Variants in COL13A1 observed in about 807,000 individuals in gnomAD.
COL13A1 encodes collagen type XIII alpha 1 chain.
Under a neutral mutation model 130.9 loss-of-function variants are expected in COL13A1, and 89 were observed. The ratio of observed to expected loss-of-function variants is 0.68; its 90% CI spans 0.57 to 0.81. The LOEUF (loss-of-function observed/expected upper bound fraction) is 0.81. COL13A1 is among the 30% of genes least tolerant of loss of function. The probability of loss-of-function intolerance (pLI) is 0.00; values close to 1 mark genes in which losing one functional copy is unlikely to be tolerated. For synonymous variants in COL13A1, 402 were observed against 341.6 expected (o/e 1.18, Z -1.95); for missense variants, 879 against 934.6 (o/e 0.94, Z 0.78).
In COL13A1 at chr10:69,802,343, G is replaced by T; in HGVS notation, c.-81G>T. On this transcript the variant is annotated 5_prime_UTR_variant, in exon 1 of 41. Coordinates refer to ENST00000645393, the MANE Select transcript of COL13A1 (RefSeq NM_001368882.1). The stretch of plus-strand genomic sequence containing the variant: ...ACAAGCCCTTTCCCCCTGCCCCGCA[G>T]TTTGGATAGAGCCTTTTGGCAGCGG... 7.4e-7 allele frequency: 1 copy of T among 1,357,674 alleles called. No individual in the cohort carries two copies. The allele number at this position is 1,357,674 out of a possible 1,614,324, so 84.1% of individuals were successfully genotyped here. A position where few individuals can be genotyped will look rare whatever the true frequency, so the allele number is the denominator to read the frequency against.
intron 7 of COL13A1, among the ~76,000 whole-genome samples, chr10:69,883,403 G>A (rs1196579736): frequency 6.6e-6 from 1 of 152,196 alleles, no homozygotes; most frequent in Non-Finnish European, 1.5e-5. Flanking sequence ...TCCACTAGGA[G>A]CCACCCCACA....
At chr10:69,825,305 G>A (rs1847208444) in intron 2 of COL13A1, among the ~76,000 whole-genome samples, 1 of 152,206 alleles carries the variant, frequency 6.6e-6, no homozygotes. Flanking sequence ...TCTCCTGAGG[G>A]TCGGAGTTTA....
chr10:69,862,333 G>T (rs1419545617), intron 2 of COL13A1, among the ~76,000 whole-genome samples: 1 of 152,184 alleles, frequency 6.6e-6, no homozygotes, highest in African/African-American at 2.4e-5. Context: ...ATATAAGGAA[G>T]TGCTTTATCA....
intron 18 of COL13A1, 22 bp downstream of exon 18, chr10:69,917,355 C>A: frequency 6.2e-7 from 1 of 1,606,224 alleles, no homozygotes; most frequent in South Asian, 1.1e-5. Flanking sequence ...TTCCCCACAT[C>A]CCAGGCAGCC....
rs115398986 is a variant in COL13A1, at chr10:69,859,054, C to A, written c.365-8744C>A. The stretch of plus-strand genomic sequence containing the variant: ...TCAGTTGTACGACTATGGGCCAGAA[C>A]TTTGACCTCTCTGTGGCTCAGTTTC... On this transcript the variant is annotated intron_variant, in intron 2 of 40. Coordinates refer to ENST00000645393, the MANE Select transcript of COL13A1 (RefSeq NM_001368882.1). Among the ~76,000 whole-genome samples the A allele has an allele frequency of 3.7e-3, 570 of 152,240 alleles. 1 individual carries two copies. The highest frequency in any genetic ancestry group is 0.013 in the African/African-American group (549 of 41,540).
chr10:69,899,562 A>C (rs1408152061), intron 14 of COL13A1, among the ~76,000 whole-genome samples: 19 of 152,140 alleles, frequency 1.2e-4, no homozygotes, highest in African/African-American at 4.3e-4. Context: ...TTAGCATCTG[A>C]TCCCTCGTAA....
intron 28 of COL13A1, among the ~76,000 whole-genome samples, chr10:69,929,544 G>A (rs985230913): frequency 1.3e-5 from 2 of 152,118 alleles, no homozygotes; most frequent in Non-Finnish European, 2.9e-5. Flanking sequence ...AGAATTCCCT[G>A]CCCTTTCCTC....
intron 7 of COL13A1, among the ~76,000 whole-genome samples, chr10:69,886,622 T>C (rs35319109): frequency 0.11 from 16,745 of 152,178 alleles, 957 homozygotes; most frequent in Middle Eastern, 0.25. Context: ...GAAAGGAGCC[T>C]TTGCTGGTTC....
chr10:69,938,678 G>A (rs547247863), intron 34 of COL13A1, among the ~76,000 whole-genome samples: 3 of 152,284 alleles, frequency 2.0e-5, no homozygotes, highest in African/African-American at 7.2e-5. Flanking sequence ...AGTTACCCCC[G>A]CTTGGCAGAG....
chr10:69,911,079 G>A (rs1204690469), intron 17 of COL13A1, among the ~76,000 whole-genome samples: 3 of 152,208 alleles, frequency 2.0e-5, no homozygotes, highest in Admixed American at 6.5e-5. Context: ...AATGCCCTGG[G>A]GAGGAGAGTG....
At chr10:69,827,127 T>C (rs1350060156) in intron 2 of COL13A1, among the ~76,000 whole-genome samples, 2 of 152,222 alleles carry the variant, frequency 1.3e-5, no homozygotes, top group Non-Finnish European at 2.9e-5. Flanking sequence ...CCAGGCTGGC[T>C]GAGGGACTGT....
At position 69,874,989 on chromosome 10, in the gene COL13A1, G is replaced by A. The variant is rs2059433355; in HGVS notation, c.400-139G>A. 7 of 906,226 alleles carry A rather than the reference G, an allele frequency of 7.7e-6. No individual in the cohort carries two copies. The African/African-American group carries it at 8.2e-5, about 11-fold the overall frequency. The allele number at this position is 906,226 out of a possible 1,614,324, so 56.1% of individuals were successfully genotyped here. A position where few individuals can be genotyped will look rare whatever the true frequency, so the allele number is the denominator to read the frequency against. On this transcript the variant is annotated intron_variant, in intron 4 of 40. Transcript: ENST00000645393. ...AGGGAGTGTACCTACATGATGCTTG[G>A]GCATCATACGGGATGTCGTCCCCGC...
chr10:69,950,832 A>G (rs966571403), intron 38 of COL13A1, among the ~76,000 whole-genome samples: 1 of 152,192 alleles, frequency 6.6e-6, no homozygotes. Flanking sequence ...CTGGAAGAAC[A>G]TCAAAAATAT....
At chr10:69,926,456 C>T (rs1433348393) in intron 26 of COL13A1, among the ~76,000 whole-genome samples, 1 of 152,124 alleles carries the variant, frequency 6.6e-6, no homozygotes, top group Non-Finnish European at 1.5e-5. Flanking sequence ...CAGTAGCACC[C>T]GAGCCTCAGC....
chr10:69,873,643 T>C (rs576412229), intron 4 of COL13A1, among the ~76,000 whole-genome samples: 3 of 152,316 alleles, frequency 2.0e-5, no homozygotes, highest in Non-Finnish European at 2.9e-5. Context: ...ACACACATCC[T>C]GAAATATCAT....
intron 15 of COL13A1, among the ~76,000 whole-genome samples, chr10:69,904,665 C>G (rs1462515610): frequency 6.6e-6 from 1 of 152,186 alleles, no homozygotes; most frequent in African/African-American, 2.4e-5. Flanking sequence ...TGCTGCTGAC[C>G]TACTTTCCAT....
chr10:69,949,950 G>A (rs11816285), intron 38 of COL13A1, among the ~76,000 whole-genome samples: 5,844 of 107,184 alleles, frequency 0.055, 180 homozygotes, highest in South Asian at 0.094. Context: ...GTGTGTGTGC[G>A]TGTGTTTGTG....
intron 31 of COL13A1, among the ~76,000 whole-genome samples, chr10:69,933,135 C>CAAAAAAAAA (rs34323794): frequency 2.9e-4 from 13 of 44,428 alleles, no homozygotes; most frequent in East Asian, 6.7e-4. Context: ...GACTCTGCCT[C>CAAAAAAAAA]AAAAAAAAAA....
At chr10:69,896,156 G>C (rs1022995471) in intron 13 of COL13A1, among the ~76,000 whole-genome samples, 1 of 152,134 alleles carries the variant, frequency 6.6e-6, no homozygotes, top group African/African-American at 2.4e-5. Flanking sequence ...TTTAAAAGCA[G>C]AGGAAACCCT....
Sources: gnomAD v4.1 joint callset for allele counts (sites outside exome capture counted in the v4.1 genomes callset) on GRCh38, gnomAD v4.1.1 for gene constraint, MANE v1.5 for transcripts, NCBI Gene and HGNC (gene_info 2026-07-23, HGNC 2026-07-21) for gene names.